ANKRD36C: variants seen among roughly 807,000 people sequenced by gnomAD.
ANKRD36C encodes the protein ankyrin repeat domain 36C.
Under a neutral mutation model 276.4 loss-of-function variants are expected in ANKRD36C, and 61 were observed. The observed-to-expected ratio is 0.22, with a 90% CI of 0.18 to 0.27. ANKRD36C has a LOEUF of 0.27. Among genes scored for constraint, ANKRD36C ranks in the 10% least tolerant of loss-of-function variants. The pLI is 1.00. For missense variants in ANKRD36C, 1,447 were observed against 2,032.3 expected, an observed-to-expected ratio of 0.71 and a Z score of 5.54; for synonymous variants, 483 against 680.1, an observed-to-expected ratio of 0.71 and a Z score of 4.51.
chr2:95,943,502 C>T (rs1293221939), intron 19 of ANKRD36C, among the ~76,000 whole-genome samples: 2 of 150,462 alleles, frequency 1.3e-5, no homozygotes, highest in East Asian at 1.9e-4. Context: ...AAAAATTAAC[C>T]AGAAATTTTA....
chr2:95,991,740 G>T, exon 1 of ANKRD36C: 4 of 1,604,916 alleles, frequency 2.5e-6, no homozygotes, highest in Non-Finnish European at 3.4e-6. Context: ...GCCTGCAGCC[G>T]TATTTCAGCT....
At chr2:95,876,170 A>G (rs533217625) in intron 59 of ANKRD36C, among the ~76,000 whole-genome samples, 1 of 152,086 alleles carries the variant, frequency 6.6e-6, no homozygotes, top group Admixed American at 6.5e-5. Context: ...CTTCTTTATT[A>G]TAATAGGAAG....
At chr2:95,855,916 T>C in exon 63 of ANKRD36C, 1 of 1,613,732 alleles carries the variant, frequency 6.2e-7, no homozygotes, top group African/African-American at 1.3e-5. Context: ...TTCTCCAGTT[T>C]AGAACGGAGC....
chr2:95,890,542 T>C (rs1676318825), intron 46 of ANKRD36C, among the ~76,000 whole-genome samples: 1 of 151,588 alleles, frequency 6.6e-6, no homozygotes, highest in South Asian at 2.1e-4. Context: ...TGCTGATACC[T>C]AGTAGATAAT....
At chr2:95,945,929 C>G (rs1431573154) in intron 17 of ANKRD36C, among the ~76,000 whole-genome samples, 1 of 152,298 alleles carries the variant, frequency 6.6e-6, no homozygotes, top group South Asian at 2.1e-4. Context: ...AAAAAAGAGA[C>G]ATGACCAGTC....
chr2:95,911,196 T>C (rs1450477151), intron 42 of ANKRD36C, among the ~76,000 whole-genome samples: 3 of 151,484 alleles, frequency 2.0e-5, no homozygotes, highest in African/African-American at 4.8e-5. Flanking sequence ...TCCACTAGTT[T>C]AGCCTCCCAA....
chr2:95,912,941 G>C (rs1274272351), intron 40 of ANKRD36C, among the ~76,000 whole-genome samples: 1 of 151,182 alleles, frequency 6.6e-6, no homozygotes, highest in African/African-American at 2.4e-5. Flanking sequence ...CATCTCTTCA[G>C]TGGAAGTGTC....
chr2:95,890,247 C>T (rs1187857581), intron 46 of ANKRD36C, among the ~76,000 whole-genome samples: 1 of 151,388 alleles, frequency 6.6e-6, no homozygotes, highest in Non-Finnish European at 1.5e-5. Context: ...AAATAAAGCC[C>T]TGTCAATATC....
At chr2:95,907,372 T>C (rs1676775578) in intron 42 of ANKRD36C, 1 of 58,914 alleles carries the variant, frequency 1.7e-5, no homozygotes, top group African/African-American at 6.9e-5. Context: ...TGTTTGCTGA[T>C]ACCTAGTAGA....
chr2:95,920,939 A>G lies in ANKRD36C; in HGVS notation c.2245+668T>C, dbSNP rs1213109752. ...ATCTCTGATGCCTAATAGTAACAAA[A>G]AGGAGTAATGAGTCAGTGTGCTTTA... is the stretch of plus-strand genomic sequence containing the variant. On this transcript the variant is annotated intron_variant, in intron 34 of 66. Coordinates refer to ENST00000456556, the Ensembl canonical transcript of ANKRD36C. 3.3e-5 allele frequency among the ~76,000 whole-genome samples: 5 copies of G among 150,108 alleles called. No homozygotes were observed. In the East Asian group the frequency reaches 7.9e-4, roughly 24 times the overall value.
At chr2:95,965,738 A>G (rs1216690579) in intron 6 of ANKRD36C, among the ~76,000 whole-genome samples, 1 of 152,146 alleles carries the variant, frequency 6.6e-6, no homozygotes, top group Non-Finnish European at 1.5e-5. Flanking sequence ...ATTAGATCAT[A>G]CAATAAATCA....
At chr2:95,924,651 A>G (rs1677358076) in intron 30 of ANKRD36C, among the ~76,000 whole-genome samples, 1 of 151,698 alleles carries the variant, frequency 6.6e-6, no homozygotes, top group East Asian at 1.9e-4. Context: ...CATTTGAATA[A>G]CTAATAAAAA....
intron 40 of ANKRD36C, 57 bp downstream of exon 42, chr2:95,914,051 A>G (rs1326346161): frequency 6.8e-7 from 1 of 1,477,848 alleles, no homozygotes; most frequent in Non-Finnish European, 9.2e-7. Flanking sequence ...TCTTCAGGGA[A>G]GAGAATTTCT....
At chr2:95,970,340 T>C (rs1442089266) in intron 6 of ANKRD36C, among the ~76,000 whole-genome samples, 3 of 152,216 alleles carry the variant, frequency 2.0e-5, no homozygotes, top group African/African-American at 4.8e-5. Context: ...CTTTCATTTT[T>C]AGCTCCTTCA....
chr2:95,861,192 T>G (rs1265361838), intron 60 of ANKRD36C, among the ~76,000 whole-genome samples: 2 of 150,388 alleles, frequency 1.3e-5, no homozygotes, highest in South Asian at 2.1e-4. Context: ...GCAGGGAAGG[T>G]TTTTTTTTAA....
intron 61 of ANKRD36C, among the ~76,000 whole-genome samples, chr2:95,859,077 G>GGGCT (rs1675497874): frequency 6.6e-6 from 1 of 150,504 alleles, no homozygotes; most frequent in Non-Finnish European, 1.5e-5. Context: ...TACTATCACT[G>GGGCT]GGCTGGAGTG....
At chr2:95,971,557 C>A (rs1678698179) in intron 6 of ANKRD36C, among the ~76,000 whole-genome samples, 1 of 151,912 alleles carries the variant, frequency 6.6e-6, no homozygotes, top group South Asian at 2.1e-4. Flanking sequence ...TGCTATATTA[C>A]CATATATTAT....
Position 95,882,354 on chromosome 2 carries a change from A to C in ANKRD36C, c.3315T>G (p.Val1105=). 7 of 1,551,698 alleles carry C rather than the reference A, an allele frequency of 4.5e-6. No homozygotes were observed. In the South Asian group the frequency reaches 5.9e-5, roughly 13 times the overall value. ...TTCTTGTGGCAATATTCAAAAGAGA[A>C]ACTTTCTTTTTAAATATAACCTGAA... The change falls in exon 56 of 67, where the codon GTT becomes GTG. Residue 1105 remains valine (V), a synonymous_variant. Transcript: ENST00000456556.
rs1252606204 is a variant in ANKRD36C, at chr2:95,924,495, T to C, written c.2042-806A>G. ...TGAAAATAACCATTTTAGGATTCAA[T>C]TAATACATTTAACATTATTTTTGTC... is the stretch of plus-strand genomic sequence containing the variant. On this transcript the variant is annotated intron_variant, in intron 30 of 66. Transcript: ENST00000456556. Among the ~76,000 whole-genome samples, 7 of 151,688 alleles carry C rather than the reference T, an allele frequency of 4.6e-5. No homozygotes were observed. The East Asian group carries it at 1.4e-3, about 29-fold the overall frequency.
Sources: gnomAD v4.1 joint callset for allele counts (sites outside exome capture counted in the v4.1 genomes callset) on GRCh38, gnomAD v4.1.1 for gene constraint, MANE v1.5 for transcripts, NCBI Gene and HGNC (gene_info 2026-07-23, HGNC 2026-07-21) for gene names.